Variants in PPP1CB observed in about 807,000 individuals in gnomAD.
PPP1CB encodes serine/threonine-protein phosphatase PP1-beta catalytic subunit.
PPP1CB carries 2 observed loss-of-function variants against 43.7 expected under a neutral mutation model. The ratio of observed to expected loss-of-function variants is 0.05; its 90% confidence interval spans 0.02 to 0.14. The LOEUF is 0.14. Among genes scored for constraint, PPP1CB ranks in the 10% least tolerant of loss-of-function variants. The pLI is 1.00. For missense variants in PPP1CB, 84 were observed against 398.0 expected (o/e 0.21, Z 6.71); for synonymous variants, 136 against 135.6 (o/e 1.00, Z -0.02).
chr2:28,764,459 C>CA (rs563880320), intron 1 of PPP1CB, among the ~76,000 whole-genome samples: 3,232 of 90,066 alleles, frequency 0.036, 70 homozygotes, highest in African/African-American at 0.082. Context: ...GACTCCATCT[C>CA]AAAAAAAAAA....
chr2:28,779,986 C>G (rs1345391680), intron 3 of PPP1CB, among the ~76,000 whole-genome samples: 1 of 152,092 alleles, frequency 6.6e-6, no homozygotes, highest in African/African-American at 2.4e-5. Flanking sequence ...ATCAGCCTAG[C>G]TGGGACTGTA....
rs373528631 is a variant in PPP1CB at position 28,779,084 on chromosome 2, G to A, written c.415+45G>A. The A allele has an allele frequency of 1.7e-5, 24 of 1,401,120 alleles. No individual in the cohort carries two copies. The East Asian group carries it at 4.2e-4, about 24-fold the overall frequency. The allele number at this position is 1,401,120 out of a possible 1,614,324, so 86.8% of individuals were successfully genotyped here. ...TAGAAAAGTAATTCATGGAAACATT[G>A]CCTAATAATTTTCTGGTTCAGAAGA... On this transcript the variant is annotated intron_variant, in intron 3 of 7. Transcript: ENST00000395366.
chr2:28,768,464 A>C (rs1475844411), intron 1 of PPP1CB, among the ~76,000 whole-genome samples: 1 of 152,220 alleles, frequency 6.6e-6, no homozygotes, highest in Admixed American at 6.5e-5. Flanking sequence ...AGCAGAAAAC[A>C]GTAGCTGAAA....
chr2:28,798,978 G>T (rs1329578623), intron 7 of PPP1CB, among the ~76,000 whole-genome samples: 4 of 151,956 alleles, frequency 2.6e-5, no homozygotes, highest in Admixed American at 2.6e-4. Context: ...TCTAAGGATT[G>T]GATAGTTGAT....
chr2:28,767,430 T>C (rs975793222), intron 1 of PPP1CB, among the ~76,000 whole-genome samples: 9 of 152,094 alleles, frequency 5.9e-5, no homozygotes, highest in African/African-American at 2.2e-4. Context: ...TAATCCACAC[T>C]TTATTGTGTC....
At position 28,802,752 on chromosome 2, in the gene PPP1CB, A is replaced by G. The variant is rs1431011219; in HGVS notation, c.*3449A>G. ...ATCTGTTAAATTGGATTTTACATGT[A>G]CATTTGAATGCCAGAATTTCTAAAT... On this transcript the variant is annotated 3_prime_UTR_variant, in exon 8 of 8. Transcript: ENST00000395366. 6.6e-6 allele frequency: 1 copy of G among 152,208 alleles called. No homozygotes were observed. Among genetic ancestry groups the G allele is most frequent in the Non-Finnish European group, 1.5e-5 (1 of 68,036 alleles). 9.4% of individuals were successfully genotyped at this position (152,208 alleles called of 1,614,324 possible).
rs370661023 is a variant in PPP1CB at position 28,783,784 on chromosome 2, C to T, written c.521-123C>T. On this transcript the variant is annotated intron_variant, in intron 4 of 7. Coordinates refer to ENST00000395366, the MANE Select transcript of PPP1CB (RefSeq NM_002709.3). ...AAAAAAAAAAAGACGTTAAAAGGAACACTTTTCAGTATCTTTAATTTCACA... is the reference window on the plus strand; with the variant it reads ...AAAAAAAAAAAGACGTTAAAAGGAATACTTTTCAGTATCTTTAATTTCACA... 4.5e-5 allele frequency: 28 copies of T among 619,006 alleles called. No individual in the cohort carries two copies. In the East Asian group the frequency reaches 6.9e-4, roughly 15 times the overall value. The allele number at this position is 619,006 out of a possible 1,614,324, so 38.3% of individuals were successfully genotyped here.
chr2:28,793,784 C>T (rs1667439706), intron 6 of PPP1CB, 79 bp from the exon 7 acceptor site: 4 of 1,510,008 alleles, frequency 2.6e-6, no homozygotes, highest in Non-Finnish European at 2.7e-6. Flanking sequence ...CAGTCTTTGC[C>T]ACCTTAACCT....
chr2:28,793,771 G>A, intron 6 of PPP1CB, 92 bp from the exon 7 acceptor site: 6 of 1,406,166 alleles, frequency 4.3e-6, no homozygotes, highest in Non-Finnish European at 5.8e-6. Context: ...GTGAGGTGGG[G>A]CACAGTCTTT....
chr2:28,787,871 C>T (rs1667304811), intron 5 of PPP1CB, among the ~76,000 whole-genome samples: 1 of 152,134 alleles, frequency 6.6e-6, no homozygotes, highest in Non-Finnish European at 1.5e-5. Flanking sequence ...CTTAAGATTT[C>T]CACTACCATT....
chr2:28,783,560 A>G (rs1443141242), intron 4 of PPP1CB, among the ~76,000 whole-genome samples: 1 of 152,196 alleles, frequency 6.6e-6, no homozygotes, highest in Non-Finnish European at 1.5e-5. Context: ...GATCGAGACC[A>G]GCCTGGCCAA....
rs1282768485 is a variant in PPP1CB, at chr2:28,793,849, A to G, written c.745-14A>G. 1.2e-6 allele frequency: 2 copies of G among 1,613,468 alleles called. No individual in the cohort carries two copies. The highest frequency in any genetic ancestry group is 2.2e-5 in the East Asian group (1 of 44,868). ...ACCAATAAATGTTTTTTCTTCTGAC[A>G]TTTCCTTTGACAGGTGGTGGAAGAT... is the stretch of plus-strand genomic sequence containing the variant. On this transcript the variant is annotated splice_polypyrimidine_tract_variant and intron_variant, in intron 6 of 7. Coordinates refer to ENST00000395366, the MANE Select transcript of PPP1CB (RefSeq NM_002709.3).
intron 6 of PPP1CB, among the ~76,000 whole-genome samples, chr2:28,790,232 G>T (rs924114633): frequency 1.3e-5 from 2 of 152,200 alleles, no homozygotes; most frequent in Non-Finnish European, 2.9e-5. Flanking sequence ...AGTGAGTGTA[G>T]ATCGTACCAT....
chr2:28,758,618 A>G (rs960571633), intron 1 of PPP1CB, among the ~76,000 whole-genome samples: 1 of 152,212 alleles, frequency 6.6e-6, no homozygotes, highest in Admixed American at 6.5e-5. Context: ...TCCTGATTTG[A>G]TAGAGGAAGT....
intron 1 of PPP1CB, among the ~76,000 whole-genome samples, chr2:28,766,704 G>C (rs1666783883): frequency 1.3e-5 from 2 of 152,160 alleles, no homozygotes; most frequent in South Asian, 4.1e-4. Context: ...CATTTGGCTT[G>C]TTTTTTAATT....
intron 6 of PPP1CB, 51 bp downstream of exon 6, chr2:28,788,860 G>C (rs368340782): frequency 3.3e-6 from 5 of 1,495,160 alleles, no homozygotes; most frequent in Non-Finnish European, 8.9e-7. Context: ...CTTTTTTTTG[G>C]GGGCAGACGG....
intron 1 of PPP1CB, among the ~76,000 whole-genome samples, chr2:28,760,638 C>T (rs374005301): frequency 1.3e-5 from 2 of 152,180 alleles, no homozygotes; most frequent in South Asian, 2.1e-4. Flanking sequence ...TTTTAACCTT[C>T]CCCCTAGTCC....
intron 6 of PPP1CB, among the ~76,000 whole-genome samples, chr2:28,789,593 A>ATTT (rs70956041): frequency 6.1e-4 from 59 of 96,536 alleles, no homozygotes; most frequent in Non-Finnish European, 8.5e-4. Context: ...TATGATTTAG[A>ATTT]TTTTTTTTTT....
chr2:28,761,310 A>G (rs572269255), intron 1 of PPP1CB, among the ~76,000 whole-genome samples: 39 of 152,364 alleles, frequency 2.6e-4, no homozygotes, highest in African/African-American at 8.7e-4. Flanking sequence ...TACTAGAATT[A>G]TGTGAATCCT....
Sources: gnomAD v4.1 joint callset for allele counts (sites outside exome capture counted in the v4.1 genomes callset) on GRCh38, gnomAD v4.1.1 for gene constraint, MANE v1.5 for transcripts, NCBI Gene and HGNC (gene_info 2026-07-23, HGNC 2026-07-21) for gene names.